Variants in LRTM1 observed in about 807,000 individuals in gnomAD.
LRTM1 encodes the protein leucine rich repeat transmembrane protein 1.
In LRTM1, 38 loss-of-function variants were observed where a neutral mutation model predicts 32.4. The ratio of observed to expected loss-of-function variants is 1.17; its 90% CI spans 0.91 to 1.54. The LOEUF is 1.54. Among genes scored for constraint, LRTM1 ranks in the 40% most tolerant of loss-of-function variants. LRTM1 has a pLI of 0.00. For synonymous variants in LRTM1, 186 were observed against 169.9 expected (o/e 1.09, Z -0.74); for missense variants, 466 against 415.4 (o/e 1.12, Z -1.06).
chr3:54,928,794 C>T (rs1352899367), upstream of LRTM1, among the ~76,000 whole-genome samples: 3 of 151,452 alleles, frequency 2.0e-5, no homozygotes, highest in East Asian at 3.9e-4. Flanking sequence ...TTCCCTGATG[C>T]TGAGGTCCTG....
intron 1 of LRTM1, among the ~76,000 whole-genome samples, chr3:54,947,417 C>T (rs1049927953): frequency 2.0e-5 from 3 of 152,130 alleles, no homozygotes; most frequent in Non-Finnish European, 2.9e-5. Flanking sequence ...AAAAAGAATA[C>T]CAGGATTCCA....
chr3:54,938,743 A>G (rs1351062260), intron 1 of LRTM1, among the ~76,000 whole-genome samples: 1 of 152,142 alleles, frequency 6.6e-6, no homozygotes, highest in African/African-American at 2.4e-5. Context: ...TTCAAGGGAA[A>G]CACAAAATTT....
chr3:54,929,837 C>A (rs1701141231), upstream of LRTM1, among the ~76,000 whole-genome samples: 1 of 152,144 alleles, frequency 6.6e-6, no homozygotes, highest in Admixed American at 6.5e-5. Context: ...ACATACATAA[C>A]CATCAATGGC....
rs2106921618 is a variant in LRTM1 at position 54,918,277 on chromosome 3, T to C, written c.*182A>G. The C allele has an allele frequency of 3.1e-6, 2 of 636,856 alleles. No individual in the cohort carries two copies. Among genetic ancestry groups the C allele is most frequent in the East Asian group, 2.8e-5 (1 of 35,834 alleles). The allele number at this position is 636,856 out of a possible 1,614,324, so 39.5% of individuals were successfully genotyped here. Reference sequence around the variant, plus strand: ...TATTTTACCTATAGTATTTTAAAAATCGCAACATAAATTCCTCCCCAGAAA... The same window carrying C: ...TATTTTACCTATAGTATTTTAAAAACCGCAACATAAATTCCTCCCCAGAAA... On this transcript the variant is annotated 3_prime_UTR_variant, in exon 3 of 3. Coordinates refer to ENST00000273286, the MANE Select transcript of LRTM1 (RefSeq NM_020678.4).
chr3:54,955,588 T>C (rs995075849), intron 1 of LRTM1, among the ~76,000 whole-genome samples: 5 of 152,102 alleles, frequency 3.3e-5, no homozygotes, highest in African/African-American at 1.2e-4. Flanking sequence ...GCTTCTAAGG[T>C]CTATCAGCAT....
At chr3:54,952,941 AG>A (rs1701795732) in intron 1 of LRTM1, among the ~76,000 whole-genome samples, 1 of 152,194 alleles carries the variant, frequency 6.6e-6, no homozygotes, top group Admixed American at 6.5e-5. Flanking sequence ...AACTTTTCAT[AG>A]GGATTTGAAG....
intron 1 of LRTM1, among the ~76,000 whole-genome samples, chr3:54,934,653 G>A (rs1028889427): frequency 6.6e-6 from 1 of 152,140 alleles, no homozygotes; most frequent in African/African-American, 2.4e-5. Flanking sequence ...ACTTAGCCAG[G>A]TTCTGTGTAG....
At chr3:54,927,819 A>G (rs1260008315) in intron 1 of LRTM1, 86 bp downstream of exon 1, 1 of 1,424,020 alleles carries the variant, frequency 7.0e-7, no homozygotes, top group Non-Finnish European at 9.9e-7. Context: ...CGACTTGAAA[A>G]TAGATTTCCC....
At chr3:54,940,741 G>C (rs1311066703) in intron 1 of LRTM1, among the ~76,000 whole-genome samples, 1 of 152,148 alleles carries the variant, frequency 6.6e-6, no homozygotes, top group Non-Finnish European at 1.5e-5. Flanking sequence ...CATTTATTCT[G>C]TGCTTGATAT....
intron 1 of LRTM1, among the ~76,000 whole-genome samples, chr3:54,950,281 C>T (rs989632733): frequency 3.3e-5 from 5 of 152,274 alleles, no homozygotes; most frequent in Non-Finnish European, 5.9e-5. Context: ...CCCAAATGAA[C>T]GTAGATGTTA....
chr3:54,927,882 A>T, intron 1 of LRTM1, 23 bp downstream of exon 1: 1 of 1,613,498 alleles, frequency 6.2e-7, no homozygotes, highest in Non-Finnish European at 8.5e-7. Flanking sequence ...GAACTTTTCC[A>T]ACGGGAATTG....
intron 2 of LRTM1, among the ~76,000 whole-genome samples, chr3:54,923,787 G>A (rs1012699977): frequency 6.6e-6 from 1 of 152,144 alleles, no homozygotes; most frequent in Non-Finnish European, 1.5e-5. Context: ...TGTGATCTTG[G>A]GCAAGTCACT....
chr3:54,951,468 G>A (rs967508019), intron 1 of LRTM1, among the ~76,000 whole-genome samples: 1 of 152,242 alleles, frequency 6.6e-6, no homozygotes, highest in Non-Finnish European at 1.5e-5. Flanking sequence ...CGGCCCGGGG[G>A]CAGTGGGGTG....
At chr3:54,962,651 T>G (rs1294943178) in intron 1 of LRTM1, among the ~76,000 whole-genome samples, 2 of 152,210 alleles carry the variant, frequency 1.3e-5, no homozygotes, top group Admixed American at 6.5e-5. Context: ...GCAGTGGTCT[T>G]AAAACGGGTT....
intron 2 of LRTM1, among the ~76,000 whole-genome samples, chr3:54,920,578 T>A (rs1478828303): frequency 6.6e-6 from 1 of 152,166 alleles, no homozygotes; most frequent in East Asian, 1.9e-4. Context: ...CAAAGTGCCA[T>A]TGAGATTAAG....
intron 1 of LRTM1, among the ~76,000 whole-genome samples, chr3:54,964,387 A>G (rs1814034): frequency 0.38 from 58,475 of 151,934 alleles, 12,852 homozygotes; most frequent in East Asian, 0.56. Flanking sequence ...TGTCTAAAAC[A>G]TTACAAACCC....
intron 1 of LRTM1, among the ~76,000 whole-genome samples, chr3:54,938,332 A>G (rs1252968306): frequency 6.6e-6 from 1 of 152,244 alleles, no homozygotes; most frequent in African/African-American, 2.4e-5. Context: ...TCCTGCAACT[A>G]CCTGCTTTGT....
upstream of LRTM1, chr3:54,928,068 C>G: frequency 1.5e-6 from 1 of 682,796 alleles, no homozygotes; most frequent in Non-Finnish European, 2.6e-6. Flanking sequence ...ACAGTTGTTG[C>G]TTTCAAAAGA....
chr3:54,965,381 C>G (rs1438555016), intron 1 of LRTM1, among the ~76,000 whole-genome samples: 2 of 152,172 alleles, frequency 1.3e-5, no homozygotes, highest in Non-Finnish European at 2.9e-5. Context: ...CCTTCCCCTC[C>G]CTTACTGTTT....
Sources: gnomAD v4.1 joint callset for allele counts (sites outside exome capture counted in the v4.1 genomes callset) on GRCh38, gnomAD v4.1.1 for gene constraint, MANE v1.5 for transcripts, NCBI Gene and HGNC (gene_info 2026-07-23, HGNC 2026-07-21) for gene names.